Variants in MARCHF3 observed in about 807,000 individuals in gnomAD.
The protein encoded by MARCHF3 is E3 ubiquitin-protein ligase MARCHF3.
In MARCHF3, 13 loss-of-function variants were observed where a neutral mutation model predicts 24.2. The ratio of observed to expected loss-of-function variants is 0.54; its 90% confidence interval spans 0.35 to 0.85. The LOEUF is 0.85. Ranked by LOEUF, MARCHF3 falls within the 40% of genes least tolerant of loss-of-function variation. The pLI, the probability that MARCHF3 is intolerant of heterozygous loss-of-function variation, is 0.01. For missense variants in MARCHF3, 276 were observed against 325.0 expected, an observed-to-expected ratio of 0.85 and a Z score of 1.16; for synonymous variants, 144 against 137.3, an observed-to-expected ratio of 1.05 and a Z score of -0.34.
At position 126,869,683 on chromosome 5, in the gene MARCHF3, C is replaced by T. The variant is rs1752899732; in HGVS notation, c.*950G>A. 1 of 139,138 alleles carries T rather than the reference C, an allele frequency of 7.2e-6. No individual in the cohort carries two copies. 8.6% of individuals were successfully genotyped at this position (139,138 alleles called of 1,614,324 possible). A position where few individuals can be genotyped will look rare whatever the true frequency, so the allele number is the denominator to read the frequency against. ...GACATGCAAAACAGGTCTAGGGTTC[C>T]TAGAAATGTCTAATGATCCTCCAAT... On this transcript the variant is annotated 3_prime_UTR_variant, in exon 5 of 5. Transcript: ENST00000308660.
At chr5:127,011,640 T>C (rs1752477193) in intron 1 of MARCHF3, among the ~76,000 whole-genome samples, 1 of 152,230 alleles carries the variant, frequency 6.6e-6, no homozygotes, top group Non-Finnish European at 1.5e-5. Flanking sequence ...AGGAAACTGA[T>C]TCCCTAAAAG....
intron 1 of MARCHF3, among the ~76,000 whole-genome samples, chr5:127,006,469 A>G (rs781138406): frequency 8.5e-5 from 13 of 152,270 alleles, no homozygotes; most frequent in Non-Finnish European, 1.6e-4. Flanking sequence ...ATTTTTTCAC[A>G]ATGTTCTCTT....
intron 3 of MARCHF3, among the ~76,000 whole-genome samples, chr5:126,890,279 T>C (rs924697727): frequency 6.6e-6 from 1 of 151,318 alleles, no homozygotes; most frequent in South Asian, 2.1e-4. Context: ...TTTGAGGTAA[T>C]GGTATGTTTT....
chr5:126,889,438 C>T (rs1331821942), intron 3 of MARCHF3, among the ~76,000 whole-genome samples: 1 of 152,006 alleles, frequency 6.6e-6, no homozygotes, highest in African/African-American at 2.4e-5. Context: ...ACTTACATAT[C>T]TGTGTCCCTC....
At chr5:126,919,488 A>C (rs919245665) in intron 1 of MARCHF3, among the ~76,000 whole-genome samples, 9 of 152,158 alleles carry the variant, frequency 5.9e-5, no homozygotes, top group Non-Finnish European at 1.3e-4. Flanking sequence ...TGCACAACCC[A>C]AAACCCCAAG....
At chr5:126,934,795 C>T (rs1749589979) in intron 1 of MARCHF3, among the ~76,000 whole-genome samples, 1 of 152,052 alleles carries the variant, frequency 6.6e-6, no homozygotes, top group Non-Finnish European at 1.5e-5. Flanking sequence ...TCTATCAATT[C>T]AGGACATGTT....
intron 4 of MARCHF3, among the ~76,000 whole-genome samples, chr5:126,875,013 G>C (rs1346513246): frequency 6.6e-6 from 1 of 152,224 alleles, no homozygotes; most frequent in African/African-American, 2.4e-5. Flanking sequence ...CAGTGATGCA[G>C]TGAGTGGAAA....
chr5:127,005,708 C>G (rs1452927536), intron 1 of MARCHF3, among the ~76,000 whole-genome samples: 1 of 151,976 alleles, frequency 6.6e-6, no homozygotes, highest in Admixed American at 6.6e-5. Context: ...AATCTTTAGC[C>G]TAGAGTAGAA....
chr5:126,968,149 T>C (rs1750879371), intron 1 of MARCHF3, among the ~76,000 whole-genome samples: 1 of 152,256 alleles, frequency 6.6e-6, no homozygotes, highest in Non-Finnish European at 1.5e-5. Context: ...CACCAGTACT[T>C]TGTTCCTTTT....
At chr5:126,912,869 C>T (rs1249256077) in intron 3 of MARCHF3, among the ~76,000 whole-genome samples, 1 of 152,254 alleles carries the variant, frequency 6.6e-6, no homozygotes, top group African/African-American at 2.4e-5. Context: ...TCATCATTAA[C>T]TCTGAAAATT....
chr5:126,959,110 C>T (rs1580682399), intron 1 of MARCHF3, among the ~76,000 whole-genome samples: 1 of 152,108 alleles, frequency 6.6e-6, no homozygotes, highest in Non-Finnish European at 1.5e-5. Flanking sequence ...TATAGGCCAT[C>T]TCTTCCAAAG....
chr5:126,954,629 C>T (rs556452192), intron 1 of MARCHF3, among the ~76,000 whole-genome samples: 59 of 151,346 alleles, frequency 3.9e-4, no homozygotes, highest in Non-Finnish European at 4.7e-4. Context: ...CTTCAGCCTC[C>T]TGAATTGCTG....
chr5:126,875,637 A>G (rs996501477), intron 4 of MARCHF3, among the ~76,000 whole-genome samples: 1 of 152,122 alleles, frequency 6.6e-6, no homozygotes, highest in Non-Finnish European at 1.5e-5. Context: ...TCAGTAACCT[A>G]TTGCTGAGCT....
intron 1 of MARCHF3, among the ~76,000 whole-genome samples, chr5:127,016,285 T>C (rs1036569522): frequency 6.6e-6 from 1 of 152,162 alleles, no homozygotes; most frequent in African/African-American, 2.4e-5. Flanking sequence ...ATGTGTATTG[T>C]ACACAAAAAA....
At chr5:126,913,455 G>T (rs1359585017) in intron 3 of MARCHF3, among the ~76,000 whole-genome samples, 1 of 152,146 alleles carries the variant, frequency 6.6e-6, no homozygotes, top group African/African-American at 2.4e-5. Context: ...AATTATATTT[G>T]CCCCTCTACA....
intron 4 of MARCHF3, among the ~76,000 whole-genome samples, chr5:126,873,233 CAAGCTTCAGTTTCCTTGTTTGT>C (rs974568088): frequency 3.3e-5 from 5 of 152,228 alleles, no homozygotes; most frequent in African/African-American, 1.2e-4. Flanking sequence ...TTGCTGTCAA[CAAGCTTCAGTTTCCTTGTTTGT>C]AAGATGTGAA....
intron 3 of MARCHF3, among the ~76,000 whole-genome samples, chr5:126,888,821 G>A (rs1399191695): frequency 6.6e-6 from 1 of 152,218 alleles, no homozygotes; most frequent in Non-Finnish European, 1.5e-5. Flanking sequence ...CTGGAGTGCA[G>A]TGGCACAATC....
intron 1 of MARCHF3, among the ~76,000 whole-genome samples, chr5:126,998,179 A>C (rs1752007840): frequency 6.6e-6 from 1 of 152,208 alleles, no homozygotes; most frequent in Non-Finnish European, 1.5e-5. Context: ...CTCCATGTAC[A>C]AGGGGAAGAG....
chr5:126,874,491 C>T (rs1753078524), intron 4 of MARCHF3, among the ~76,000 whole-genome samples: 1 of 151,454 alleles, frequency 6.6e-6, no homozygotes, highest in Non-Finnish European at 1.5e-5. Flanking sequence ...GAGGCTGAAG[C>T]AGGAGAATCG....
Sources: gnomAD v4.1 joint callset for allele counts (sites outside exome capture counted in the v4.1 genomes callset) on GRCh38, gnomAD v4.1.1 for gene constraint, MANE v1.5 for transcripts, NCBI Gene and HGNC (gene_info 2026-07-23, HGNC 2026-07-21) for gene names.